AHCY: variants seen among roughly 807,000 people sequenced by gnomAD.
AHCY encodes the protein adenosylhomocysteinase.
Under a neutral mutation model 45.4 loss-of-function variants are expected in AHCY, and 24 were observed. The observed-to-expected ratio is 0.53, with a 90% CI of 0.38 to 0.74. The LOEUF is 0.74. AHCY is among the 30% of genes least tolerant of loss of function. The pLI is 0.00. For synonymous variants in AHCY, 245 were observed against 235.1 expected, an observed-to-expected ratio of 1.04 and a Z score of -0.39; for missense variants, 449 against 594.1, an observed-to-expected ratio of 0.76 and a Z score of 2.54.
At chr20:34,272,934 G>A in the AHCY span, among the ~76,000 whole-genome samples, 3 of 152,230 alleles carry the variant, frequency 2.0e-5, no homozygotes, top group Non-Finnish European at 4.4e-5. Flanking sequence ...TACAAAGGCT[G>A]CAGATGAAGA....
At chr20:34,241,430 C>G in the AHCY span, 1 of 984,882 alleles carries the variant, frequency 1.0e-6, no homozygotes, top group South Asian at 4.7e-5. Context: ...AGCAGCAAAT[C>G]TCTACAGCTG....
chr20:34,246,876 T>C, the AHCY span, among the ~76,000 whole-genome samples: 1 of 152,324 alleles, frequency 6.6e-6, no homozygotes, highest in East Asian at 1.9e-4. Context: ...CCTCTCTCCT[T>C]TCCTTTTCTG....
rs556350364 is a variant in AHCY, at chr20:34,311,173, A to G, written c.-57+299T>C. 7.2e-5 allele frequency among the ~76,000 whole-genome samples: 11 copies of G among 152,364 alleles called. No individual in the cohort carries two copies. The South Asian group carries it at 2.1e-3, about 29-fold the overall frequency. Reference sequence around the variant, plus strand: ...AAACCAACAACAAAACATATAATGAAGGACAAAAAGCAAAGTGCAGAACGG... The same window carrying G: ...AAACCAACAACAAAACATATAATGAGGGACAAAAAGCAAAGTGCAGAACGG... On this transcript the variant is annotated intron_variant, in intron 1 of 9. Transcript: ENST00000538132.
the AHCY span, among the ~76,000 whole-genome samples, chr20:34,270,576 C>A: frequency 1.3e-5 from 2 of 152,192 alleles, no homozygotes; most frequent in East Asian, 1.9e-4. Context: ...AAGACTCAGT[C>A]GATTAGTAAC....
At chr20:34,256,362 T>C in the AHCY span, among the ~76,000 whole-genome samples, 1 of 152,232 alleles carries the variant, frequency 6.6e-6, no homozygotes, top group Non-Finnish European at 1.5e-5. Flanking sequence ...TGTATTTTAT[T>C]CTGTCTCTTT....
At chr20:34,307,719 T>C (rs767469515), upstream of AHCY, among the ~76,000 whole-genome samples, 5 of 152,242 alleles carry the variant, frequency 3.3e-5, no homozygotes, top group Non-Finnish European at 7.3e-5. Context: ...TATCTCAAAA[T>C]AAAAGGTTTA....
the AHCY span, among the ~76,000 whole-genome samples, chr20:34,265,146 T>G: frequency 6.6e-6 from 1 of 152,134 alleles, no homozygotes; most frequent in African/African-American, 2.4e-5. Context: ...CATAAAAAGA[T>G]GTTAATCCAC....
intron 2 of AHCY, among the ~76,000 whole-genome samples, chr20:34,294,601 TGA>T (rs2122779236): frequency 6.6e-6 from 1 of 152,056 alleles, no homozygotes; most frequent in East Asian, 1.9e-4. Flanking sequence ...ATTCGTGAAT[TGA>T]GAGAACCCAG....
intron 1 of AHCY, among the ~76,000 whole-genome samples, chr20:34,310,806 A>T (rs2036939706): frequency 6.6e-6 from 1 of 152,174 alleles, no homozygotes; most frequent in Non-Finnish European, 1.5e-5. Flanking sequence ...CTGCCTGGGC[A>T]ACAAAGCGAG....
chr20:34,279,440 A>T (rs779687731), downstream of AHCY, among the ~76,000 whole-genome samples: 1 of 151,428 alleles, frequency 6.6e-6, no homozygotes, highest in East Asian at 1.9e-4. Flanking sequence ...AAAAAACAAC[A>T]ACTCTAAAAG....
the AHCY span, among the ~76,000 whole-genome samples, chr20:34,271,565 CTTTT>C: frequency 1.6e-5 from 2 of 123,400 alleles, no homozygotes; most frequent in African/African-American, 3.0e-5. Context: ...TTGAACAAGC[CTTTT>C]TTTTTTTTTT....
At chr20:34,273,549 A>G in the AHCY span, among the ~76,000 whole-genome samples, 4 of 152,202 alleles carry the variant, frequency 2.6e-5, no homozygotes, top group Non-Finnish European at 4.4e-5. Context: ...TTTTTGAGCA[A>G]CCACAGATCT....
rs893731603 is a variant in AHCY, at chr20:34,295,591, G to C, written c.29-6C>G. 2 of 1,613,528 alleles carry C rather than the reference G, an allele frequency of 1.2e-6. No homozygotes were observed. Among genetic ancestry groups the C allele is most frequent in the Admixed American group, 3.3e-5 (2 of 59,980 alleles). ...GGCAGCCAGGCCGATGTCGGCTACG[G>C]GAGGAAACAGGTGGGAGTTCCGTGA... On this transcript the variant is annotated splice_region_variant and splice_polypyrimidine_tract_variant and intron_variant, in intron 1 of 9. Coordinates refer to ENST00000217426, the MANE Select transcript of AHCY (RefSeq NM_000687.4).
chr20:34,271,466 C>G, the AHCY span, among the ~76,000 whole-genome samples: 4 of 152,054 alleles, frequency 2.6e-5, no homozygotes, highest in Non-Finnish European at 5.9e-5. Context: ...AAGATTTGCC[C>G]TACCTTTGTG....
intron 1 of AHCY, chr20:34,302,689 T>C: frequency 1.0e-6 from 1 of 987,118 alleles, no homozygotes; most frequent in Non-Finnish European, 1.2e-6. Context: ...AGGCTGCCCC[T>C]GCTGGAGGGG....
the AHCY span, among the ~76,000 whole-genome samples, chr20:34,249,701 T>C: frequency 6.6e-6 from 1 of 152,164 alleles, no homozygotes; most frequent in Non-Finnish European, 1.5e-5. Flanking sequence ...CCCCTCCTCC[T>C]TTTGTTAGTT....
chr20:34,292,257 C>T, intron 4 of AHCY, 101 bp downstream of exon 4: 1 of 1,425,400 alleles, frequency 7.0e-7, no homozygotes, highest in Admixed American at 2.0e-5. Flanking sequence ...GATCCTGCTG[C>T]TTGAGGTGAT....
At chr20:34,252,112 T>A in the AHCY span, among the ~76,000 whole-genome samples, 2 of 152,212 alleles carry the variant, frequency 1.3e-5, no homozygotes, top group East Asian at 1.9e-4. Context: ...TATCCTCTTA[T>A]GAAGGGGGCC....
At chr20:34,253,827 G>T in the AHCY span, among the ~76,000 whole-genome samples, 1 of 152,208 alleles carries the variant, frequency 6.6e-6, no homozygotes, top group East Asian at 1.9e-4. Context: ...TAAATGACAG[G>T]TTCATCCAAG....
Sources: gnomAD v4.1 joint callset for allele counts (sites outside exome capture counted in the v4.1 genomes callset) on GRCh38, gnomAD v4.1.1 for gene constraint, MANE v1.5 for transcripts, NCBI Gene and HGNC (gene_info 2026-07-23, HGNC 2026-07-21) for gene names.